KCNIP4: variants seen among roughly 807,000 people sequenced by gnomAD.
KCNIP4 encodes the protein potassium voltage-gated channel interacting protein 4.
A neutral mutation model predicts 34.0 loss-of-function variants in KCNIP4; 12 were observed. That is an observed-to-expected ratio of 0.35 (90% CI 0.23 to 0.57). The LOEUF is 0.57. Ranked by LOEUF, KCNIP4 falls within the 20% of genes least tolerant of loss-of-function variation. The probability of loss-of-function intolerance (pLI) is 0.83; values close to 1 mark genes in which losing one functional copy is unlikely to be tolerated. For missense variants in KCNIP4, 238 were observed against 311.7 expected, an observed-to-expected ratio of 0.76 and a Z score of 1.78; for synonymous variants, 124 against 102.2, an observed-to-expected ratio of 1.21 and a Z score of -1.29.
intron 1 of KCNIP4, among the ~76,000 whole-genome samples, chr4:21,201,978 A>G (rs968984838): frequency 2.0e-5 from 3 of 152,220 alleles, no homozygotes; most frequent in Non-Finnish European, 4.4e-5. Flanking sequence ...CATTTTAGAA[A>G]CATGATTTGG....
chr4:21,249,014 T>C (rs949631473), intron 1 of KCNIP4, among the ~76,000 whole-genome samples: 3 of 152,160 alleles, frequency 2.0e-5, no homozygotes, highest in Non-Finnish European at 2.9e-5. Context: ...TACAAAACAG[T>C]GAACAATCTA....
chr4:21,649,733 C>T (rs1168990531), intron 1 of KCNIP4, among the ~76,000 whole-genome samples: 1 of 152,138 alleles, frequency 6.6e-6, no homozygotes, highest in Non-Finnish European at 1.5e-5. Context: ...AACTTGAAGC[C>T]TTGCAAAGTG....
At chr4:21,448,464 A>G (rs1340234569) in intron 1 of KCNIP4, among the ~76,000 whole-genome samples, 2 of 152,278 alleles carry the variant, frequency 1.3e-5, no homozygotes, top group East Asian at 1.9e-4. Context: ...TATAAACTAT[A>G]AACTTAGATA....
intron 3 of KCNIP4, among the ~76,000 whole-genome samples, chr4:20,823,564 A>C (rs549772541): frequency 4.6e-4 from 70 of 152,062 alleles, no homozygotes; most frequent in Non-Finnish European, 9.0e-4. Context: ...AAGACACAAG[A>C]AAGCTTGCTT....
intron 1 of KCNIP4, among the ~76,000 whole-genome samples, chr4:20,954,469 A>T (rs1157928219): frequency 1.3e-5 from 2 of 152,176 alleles, no homozygotes; most frequent in African/African-American, 4.8e-5. Context: ...TGTAGAGATG[A>T]TTAAAATCAC....
intron 1 of KCNIP4, among the ~76,000 whole-genome samples, chr4:21,252,810 G>C (rs1366721362): frequency 6.6e-6 from 1 of 150,588 alleles, no homozygotes; most frequent in African/African-American, 2.4e-5. Flanking sequence ...GTAATGAGAG[G>C]GCAGAGAGGT....
chr4:21,576,316 C>T (rs1740738002), intron 1 of KCNIP4, among the ~76,000 whole-genome samples: 1 of 152,068 alleles, frequency 6.6e-6, no homozygotes, highest in African/African-American at 2.4e-5. Flanking sequence ...AGCATAAAAG[C>T]CCACTGCTCT....
At chr4:21,741,761 G>A (rs1013283596) in intron 1 of KCNIP4, among the ~76,000 whole-genome samples, 9 of 152,086 alleles carry the variant, frequency 5.9e-5, no homozygotes, top group Admixed American at 5.2e-4. Flanking sequence ...ACACTAGGCC[G>A]GGCGTGGTGG....
Position 21,099,443 on chromosome 4 carries a change from C to T in KCNIP4, c.62-216734G>A, listed in dbSNP as rs114485316. Among the ~76,000 whole-genome samples, 1,005 of 152,136 alleles carry T rather than the reference C, an allele frequency of 6.6e-3. 8 individuals carry two copies. The highest frequency in any genetic ancestry group is 0.023 in the African/African-American group (940 of 41,510). On this transcript the variant is annotated intron_variant, in intron 1 of 8. Coordinates refer to ENST00000382152, the MANE Select transcript of KCNIP4 (RefSeq NM_025221.6). ...CACATGGACACATCGGGGGGAACAACACACACTGGGGCTTGTCAAGGAGGT... is the reference window on the plus strand; with the variant it reads ...CACATGGACACATCGGGGGGAACAATACACACTGGGGCTTGTCAAGGAGGT...
At chr4:21,356,762 A>G (rs978996770) in intron 1 of KCNIP4, among the ~76,000 whole-genome samples, 4 of 152,072 alleles carry the variant, frequency 2.6e-5, no homozygotes, top group African/African-American at 9.6e-5. Flanking sequence ...TATAGATTCA[A>G]TGCCATCCCC....
At chr4:21,927,991 C>A (rs1400902473) in intron 1 of KCNIP4, among the ~76,000 whole-genome samples, 1 of 152,032 alleles carries the variant, frequency 6.6e-6, no homozygotes, top group African/African-American at 2.4e-5. Flanking sequence ...CCTCTCCAAG[C>A]AGTCTGTCTA....
chr4:21,424,117 C>A (rs1233428658), intron 1 of KCNIP4, among the ~76,000 whole-genome samples: 2 of 151,476 alleles, frequency 1.3e-5, no homozygotes, highest in Non-Finnish European at 2.9e-5. Flanking sequence ...CCATGCCAGG[C>A]CGAGAATTTT....
In KCNIP4 at chr4:20,729,173, G is replaced by GAGGAC. The variant is rs1222730657; in HGVS notation, c.*904_*908dup. On this transcript the variant is annotated 3_prime_UTR_variant, in exon 9 of 9. Transcript: ENST00000382152. ...CATGCTGTAAGGAAGTCAGGGGAAAGAGGACAGATTTGGCCTTTAATGCTG... is the reference window on the plus strand; with the variant it reads ...CATGCTGTAAGGAAGTCAGGGGAAAGAGGACAGGACAGATTTGGCCTTTAATGCTG... The GAGGAC allele has an allele frequency of 6.6e-6, 1 of 152,564 alleles. No individual in the cohort carries two copies. The highest frequency in any genetic ancestry group is 1.5e-5 in the Non-Finnish European group (1 of 68,024). The allele number at this position is 152,564 out of a possible 1,614,324, so 9.5% of individuals were successfully genotyped here.
chr4:21,884,661 C>T (rs1238021393), intron 1 of KCNIP4, among the ~76,000 whole-genome samples: 2 of 152,038 alleles, frequency 1.3e-5, no homozygotes, highest in Non-Finnish European at 2.9e-5. Context: ...ATCCATTAAG[C>T]AGGTGATCTA....
At chr4:21,331,076 C>T (rs567892704) in intron 1 of KCNIP4, among the ~76,000 whole-genome samples, 3 of 152,222 alleles carry the variant, frequency 2.0e-5, no homozygotes, top group Admixed American at 2.0e-4. Context: ...ATGTGTAAGA[C>T]ACTGTGTCCT....
chr4:21,371,940 TAC>T (rs572255029), intron 1 of KCNIP4, among the ~76,000 whole-genome samples: 4 of 145,564 alleles, frequency 2.7e-5, no homozygotes, highest in East Asian at 2.0e-4. Context: ...ATGAGTAGCT[TAC>T]ACACACACAC....
intron 3 of KCNIP4, among the ~76,000 whole-genome samples, chr4:20,784,623 C>CT (rs994138526): frequency 3.3e-5 from 5 of 151,984 alleles, no homozygotes; most frequent in African/African-American, 9.6e-5. Flanking sequence ...ACATTCCCTC[C>CT]TTTTTTTTCT....
intron 1 of KCNIP4, among the ~76,000 whole-genome samples, chr4:21,430,050 A>C (rs1726300843): frequency 6.6e-6 from 1 of 152,144 alleles, no homozygotes; most frequent in South Asian, 2.1e-4. Flanking sequence ...TACCAATGAC[A>C]AACCTAAGAT....
intron 1 of KCNIP4, among the ~76,000 whole-genome samples, chr4:21,733,826 C>T (rs990930284): frequency 6.6e-6 from 1 of 152,060 alleles, no homozygotes; most frequent in Non-Finnish European, 1.5e-5. Flanking sequence ...ATTTCATATT[C>T]CCTACTTAAT....
Sources: allele counts gnomAD v4.1 joint callset (sites outside exome capture counted in the v4.1 genomes callset), GRCh38; gene constraint gnomAD v4.1.1; transcripts MANE v1.5; gene names NCBI Gene and HGNC (gene_info 2026-07-23, HGNC 2026-07-21).